The following NAALADL2 variants were observed in gnomAD, a reference collection of about 807,000 sequenced individuals.
The protein encoded by NAALADL2 is N-acetylated alpha-linked acidic dipeptidase like 2, also known as inactive N-acetylated-alpha-linked acidic dipeptidase-like protein 2.
Under a neutral mutation model 87.2 loss-of-function variants are expected in NAALADL2, and 76 were observed. That is an observed-to-expected ratio of 0.87 (90% CI 0.72 to 1.05). The LOEUF is 1.05. Ranked by LOEUF, NAALADL2 falls within the 50% of genes least tolerant of loss-of-function variation. The probability of loss-of-function intolerance (pLI) is 0.00; values close to 1 mark genes in which losing one functional copy is unlikely to be tolerated. For missense variants in NAALADL2, 1,089 were observed against 945.8 expected (o/e 1.15, Z -1.99); for synonymous variants, 354 against 331.0 (o/e 1.07, Z -0.75).
At chr3:174,445,996 T>G (rs1422033103) in intron 1 of NAALADL2, among the ~76,000 whole-genome samples, 1 of 152,186 alleles carries the variant, frequency 6.6e-6, no homozygotes, top group African/African-American at 2.4e-5. Flanking sequence ...CACTGTTGCA[T>G]GGGATATTGA....
intron 3 of NAALADL2, among the ~76,000 whole-genome samples, chr3:174,849,789 A>G (rs564310685): frequency 2.7e-5 from 4 of 150,614 alleles, no homozygotes; most frequent in South Asian, 2.1e-4. Flanking sequence ...GCCTAGGCCT[A>G]CGCAGGGTTA....
At chr3:175,018,236 G>T (rs1401739483) in intron 1 of NAALADL2, among the ~76,000 whole-genome samples, 2 of 151,832 alleles carry the variant, frequency 1.3e-5, no homozygotes, top group Non-Finnish European at 2.9e-5. Context: ...CATCAAATAC[G>T]TACACAAGGT....
At chr3:174,790,071 C>G (rs1284961576) in intron 3 of NAALADL2, among the ~76,000 whole-genome samples, 1 of 152,164 alleles carries the variant, frequency 6.6e-6, no homozygotes, top group Non-Finnish European at 1.5e-5. Context: ...TCACCACACT[C>G]AAGGGAGAGG....
intron 4 of NAALADL2, among the ~76,000 whole-genome samples, chr3:175,293,815 T>C (rs902066956): frequency 2.0e-5 from 3 of 152,218 alleles, no homozygotes; most frequent in Admixed American, 2.0e-4. Context: ...AGATTGTTAT[T>C]GTTTATAAAC....
intron 2 of NAALADL2, among the ~76,000 whole-genome samples, chr3:175,165,236 T>G (rs1290292088): frequency 2.0e-5 from 3 of 152,160 alleles, no homozygotes; most frequent in Non-Finnish European, 2.9e-5. Flanking sequence ...TAATGTGCAC[T>G]GTTTTAAAGT....
At chr3:175,060,111 A>G (rs1713107636) in intron 1 of NAALADL2, 1 of 228,610 alleles carries the variant, frequency 4.4e-6, no homozygotes, top group Admixed American at 4.8e-5. Flanking sequence ...AGAGGGAAAA[A>G]AAGCTAGTTT....
At chr3:174,873,122 T>C (rs1263409803) in intron 1 of NAALADL2, among the ~76,000 whole-genome samples, 5 of 152,214 alleles carry the variant, frequency 3.3e-5, no homozygotes, top group African/African-American at 4.8e-5. Flanking sequence ...ATAGTGGCTC[T>C]AGATGTAATG....
chr3:175,013,164 TATGTA>T lies in NAALADL2; in HGVS notation c.44-83623_44-83619del, dbSNP rs1231843190. Among the ~76,000 whole-genome samples the T allele has an allele frequency of 4.3e-4, 50 of 116,580 alleles. 2 individuals carry two copies. The highest frequency in any genetic ancestry group is 9.8e-4 in the Admixed American group (10 of 10,238). 76.5% of individuals were successfully genotyped at this position (116,580 alleles called of 152,430 possible). A position where few individuals can be genotyped will look rare whatever the true frequency, so the allele number is the denominator to read the frequency against. Reference sequence around the variant, plus strand: ...TATGTAATACATATTTATATATAAATATGTAATACATATTTATATATAAATATATA... The same window carrying T: ...TATGTAATACATATTTATATATAAATATACATATTTATATATAAATATATA... On this transcript the variant is annotated intron_variant, in intron 1 of 13. Coordinates refer to ENST00000454872, the MANE Select transcript of NAALADL2 (RefSeq NM_207015.3).
At chr3:175,759,546 C>T (rs1022112949) in intron 13 of NAALADL2, among the ~76,000 whole-genome samples, 4 of 151,742 alleles carry the variant, frequency 2.6e-5, no homozygotes, top group East Asian at 2.0e-4. Context: ...TTAGTAGAGA[C>T]GGGGTTTCAC....
chr3:175,721,726 T>C (rs1742259825), intron 11 of NAALADL2, among the ~76,000 whole-genome samples: 1 of 151,952 alleles, frequency 6.6e-6, no homozygotes. Flanking sequence ...TCTCTAGAGG[T>C]ATAGAGAAAT....
At chr3:174,964,928 T>C (rs1742650870) in intron 1 of NAALADL2, among the ~76,000 whole-genome samples, 1 of 151,880 alleles carries the variant, frequency 6.6e-6, no homozygotes, top group South Asian at 2.1e-4. Flanking sequence ...TCTAGTTGGA[T>C]TGAGCTGAAA....
At chr3:175,228,853 A>G (rs1420652088) in intron 2 of NAALADL2, among the ~76,000 whole-genome samples, 1 of 151,954 alleles carries the variant, frequency 6.6e-6, no homozygotes, top group East Asian at 1.9e-4. Flanking sequence ...GGAACATTAC[A>G]TGCCAAATTT....
intron 1 of NAALADL2, among the ~76,000 whole-genome samples, chr3:174,468,390 T>C (rs1434668248): frequency 6.7e-6 from 1 of 149,746 alleles, no homozygotes; most frequent in African/African-American, 2.4e-5. Flanking sequence ...TTTTCTTTTT[T>C]TTTTTTTTTT....
chr3:174,882,619 G>A (rs62637870), intron 1 of NAALADL2, among the ~76,000 whole-genome samples: 43 of 114,564 alleles, frequency 3.8e-4, no homozygotes, highest in East Asian at 6.9e-4. Flanking sequence ...ATGTGCATAT[G>A]CATATATGTG....
chr3:174,755,892 G>C (rs1578801240), intron 3 of NAALADL2, among the ~76,000 whole-genome samples: 2 of 152,318 alleles, frequency 1.3e-5, no homozygotes, highest in East Asian at 3.9e-4. Context: ...TGCAAGGCTA[G>C]CTCTTTGCTT....
intron 2 of NAALADL2, among the ~76,000 whole-genome samples, chr3:175,223,663 A>C: frequency 6.6e-6 from 1 of 152,204 alleles, no homozygotes; most frequent in East Asian, 1.9e-4. Flanking sequence ...AAAGTATATA[A>C]AAATTTGAAT....
intron 2 of NAALADL2, among the ~76,000 whole-genome samples, chr3:174,597,041 TTCAGTGTTTC>T (rs1348168962): frequency 1.3e-5 from 2 of 152,206 alleles, no homozygotes; most frequent in Non-Finnish European, 2.9e-5. Flanking sequence ...CTATCCCAAG[TTCAGTGTTTC>T]TCTAGCAGGA....
intron 5 of NAALADL2, among the ~76,000 whole-genome samples, chr3:175,333,692 G>T (rs1389861937): frequency 6.7e-6 from 1 of 150,322 alleles, no homozygotes; most frequent in Non-Finnish European, 1.5e-5. Context: ...GGGCGCCGGG[G>T]GGATGAAGAG....
intron 1 of NAALADL2, among the ~76,000 whole-genome samples, chr3:174,496,914 T>C (rs1028386296): frequency 6.6e-6 from 1 of 152,132 alleles, no homozygotes; most frequent in African/African-American, 2.4e-5. Flanking sequence ...TCATTGTAAG[T>C]GATAAAAATA....
Sources: allele counts gnomAD v4.1 joint callset (sites outside exome capture counted in the v4.1 genomes callset), GRCh38; gene constraint gnomAD v4.1.1; transcripts MANE v1.5; gene names NCBI Gene and HGNC (gene_info 2026-07-23, HGNC 2026-07-21).